The following PALLD variants were observed in gnomAD, a reference collection of about 807,000 sequenced individuals.
PALLD encodes palladin, cytoskeletal associated protein.
A neutral mutation model predicts 123.5 loss-of-function variants in PALLD; 61 were observed. The ratio of observed to expected loss-of-function variants is 0.49; its 90% CI spans 0.40 to 0.61. PALLD has a LOEUF of 0.61. PALLD is among the 20% of genes least tolerant of loss of function. PALLD has a pLI of 0.00. For missense variants in PALLD, 1,273 were observed against 1,377.0 expected, an observed-to-expected ratio of 0.92 and a Z score of 1.20; for synonymous variants, 465 against 496.4, an observed-to-expected ratio of 0.94 and a Z score of 0.84.
chr4:168,869,329 G>T lies in PALLD; in HGVS notation c.1965-21593G>T, dbSNP rs1750765603. On this transcript the variant is annotated intron_variant, in intron 10 of 21. Coordinates refer to ENST00000505667, the MANE Select transcript of PALLD (RefSeq NM_001166108.2). The surrounding 1 kb of genome is among the most constrained non-coding windows in gnomAD (Gnocchi z 4.5). Reference sequence around the variant, plus strand: ...GGCGATCTGGGCTGGTGTGTGAGATGATAATGCCACTGCCAAACTGACAGT... The same window carrying T: ...GGCGATCTGGGCTGGTGTGTGAGATTATAATGCCACTGCCAAACTGACAGT... Among the ~76,000 whole-genome samples, 1 of 152,144 alleles carries T rather than the reference G, an allele frequency of 6.6e-6. No homozygotes were observed. Among genetic ancestry groups the T allele is most frequent in the African/African-American group, 2.4e-5 (1 of 41,438 alleles).
chr4:168,713,950 T>C (rs1179900084), intron 10 of PALLD, among the ~76,000 whole-genome samples: 1 of 146,132 alleles, frequency 6.8e-6, no homozygotes, highest in Non-Finnish European at 1.5e-5. Context: ...TTGTTTTTTT[T>C]TTTTTTTTTT....
intron 10 of PALLD, among the ~76,000 whole-genome samples, chr4:168,803,087 G>A (rs375351901): frequency 6.6e-6 from 1 of 152,198 alleles, no homozygotes; most frequent in African/African-American, 2.4e-5. Flanking sequence ...AATCTCAAAT[G>A]TATTAGTCCG....
At chr4:168,585,989 G>A (rs1223353307) in intron 2 of PALLD, among the ~76,000 whole-genome samples, 1 of 151,878 alleles carries the variant, frequency 6.6e-6, no homozygotes. Context: ...ACTATTATAG[G>A]TCTATTAAGG....
chr4:168,878,239 G>C lies in PALLD; in HGVS notation c.1965-12683G>C, dbSNP rs864622321. The C allele has an allele frequency of 1.3e-6, 2 of 1,496,052 alleles. No homozygotes were observed. Among genetic ancestry groups the C allele is most frequent in the Admixed American group, 2.1e-5 (1 of 48,414 alleles). The allele number at this position is 1,496,052 out of a possible 1,614,324, so 92.7% of individuals were successfully genotyped here. A position where few individuals can be genotyped will look rare whatever the true frequency, so the allele number is the denominator to read the frequency against. ...TCCCACTGCCGCCGCCACCACCGCC[G>C]CTCCCGAGCCCGGGACAGGCGTCCC... On this transcript the variant is annotated intron_variant, in intron 10 of 21. Coordinates refer to ENST00000505667, the MANE Select transcript of PALLD (RefSeq NM_001166108.2).
chr4:168,663,189 T>C (rs950393282), intron 2 of PALLD, among the ~76,000 whole-genome samples: 1 of 152,196 alleles, frequency 6.6e-6, no homozygotes, highest in African/African-American at 2.4e-5. Context: ...GGTCAACAGA[T>C]TAGGAGATGA....
At chr4:168,569,859 G>C (rs1197983412) in intron 2 of PALLD, among the ~76,000 whole-genome samples, 2 of 152,098 alleles carry the variant, frequency 1.3e-5, no homozygotes, top group African/African-American at 4.8e-5. Context: ...AAATTGTGAA[G>C]TGGGACTGAT....
intron 3 of PALLD, among the ~76,000 whole-genome samples, chr4:168,673,634 G>A (rs1439493730): frequency 6.6e-6 from 1 of 152,204 alleles, no homozygotes; most frequent in African/African-American, 2.4e-5. Context: ...CAGCAGGACA[G>A]AGGAGAGATG....
chr4:168,821,172 G>A (rs1004483662), intron 10 of PALLD, among the ~76,000 whole-genome samples: 1 of 152,126 alleles, frequency 6.6e-6, no homozygotes, highest in African/African-American at 2.4e-5. Flanking sequence ...TGATTTGAAG[G>A]AATTATCTTT....
intron 2 of PALLD, among the ~76,000 whole-genome samples, chr4:168,588,789 A>G (rs1052485836): frequency 6.6e-6 from 1 of 152,210 alleles, no homozygotes; most frequent in Non-Finnish European, 1.5e-5. Context: ...CTAAATGTAC[A>G]AAGAGCAAAA....
chr4:168,588,561 C>T (rs566322642), intron 2 of PALLD, among the ~76,000 whole-genome samples: 17 of 152,026 alleles, frequency 1.1e-4, no homozygotes, highest in Admixed American at 2.6e-4. Context: ...GCAGCCACAC[C>T]CGGCTAACTT....
At chr4:168,774,139 G>A (rs1210178864) in intron 10 of PALLD, among the ~76,000 whole-genome samples, 2 of 150,404 alleles carry the variant, frequency 1.3e-5, no homozygotes, top group South Asian at 2.1e-4. Context: ...AGAAAACTGC[G>A]TAAAACAATT....
chr4:168,701,328 A>G (rs535265938), intron 8 of PALLD, among the ~76,000 whole-genome samples: 2 of 152,368 alleles, frequency 1.3e-5, no homozygotes, highest in African/African-American at 4.8e-5. Flanking sequence ...GAGCCTGACA[A>G]GAAGCAGGGA....
chr4:168,702,698 T>C (rs1475427061), intron 8 of PALLD, among the ~76,000 whole-genome samples: 1 of 152,142 alleles, frequency 6.6e-6, no homozygotes, highest in Non-Finnish European at 1.5e-5. Context: ...AAATGAGGGA[T>C]TTGACCTAAT....
intron 10 of PALLD, among the ~76,000 whole-genome samples, chr4:168,719,604 C>G (rs1198307778): frequency 6.6e-6 from 1 of 152,056 alleles, no homozygotes; most frequent in East Asian, 1.9e-4. Flanking sequence ...ATTTTAGGTT[C>G]GGGGATACAT....
At chr4:168,623,337 CA>C (rs1774936929) in intron 2 of PALLD, among the ~76,000 whole-genome samples, 1 of 152,204 alleles carries the variant, frequency 6.6e-6, no homozygotes, top group Non-Finnish European at 1.5e-5. Context: ...ATAGAAATAA[CA>C]GGGATTCCTG....
chr4:168,503,876 G>T (rs1206494736), intron 1 of PALLD, among the ~76,000 whole-genome samples: 5 of 152,040 alleles, frequency 3.3e-5, no homozygotes, highest in Non-Finnish European at 5.9e-5. Flanking sequence ...TCGTGCTTTG[G>T]AACTTTTCTC....
intron 6 of PALLD, chr4:168,686,791 A>G (rs1252986057): frequency 1.3e-5 from 2 of 152,232 alleles, no homozygotes; most frequent in Admixed American, 6.5e-5. Flanking sequence ...GGAGGAAAAA[A>G]GTGGCTAAGA....
intron 2 of PALLD, among the ~76,000 whole-genome samples, chr4:168,527,961 C>T (rs1764230586): frequency 6.6e-6 from 1 of 152,220 alleles, no homozygotes; most frequent in Admixed American, 6.5e-5. Flanking sequence ...AAAGTGCATC[C>T]ACCTTCTGTT....
intron 2 of PALLD, among the ~76,000 whole-genome samples, chr4:168,581,303 A>ATTT (rs112786259): frequency 6.1e-5 from 9 of 146,604 alleles, no homozygotes; most frequent in African/African-American, 2.2e-4. Flanking sequence ...TGCTAGTTCT[A>ATTT]TTTTTTTTTT....
Sources: gnomAD v4.1 joint callset for allele counts (sites outside exome capture counted in the v4.1 genomes callset) on GRCh38, gnomAD v4.1.1 for gene constraint, Gnocchi (gnomAD v3.1) non-coding constraint, MANE v1.5 for transcripts, NCBI Gene and HGNC (gene_info 2026-07-23, HGNC 2026-07-21) for gene names.